HAL: variants seen among roughly 807,000 people sequenced by gnomAD.
The protein encoded by HAL is histidine ammonia-lyase.
In HAL, 85 loss-of-function variants were observed where a neutral mutation model predicts 81.1. That is an observed-to-expected ratio of 1.05 (90% CI 0.88 to 1.25). The LOEUF is 1.25. Among genes scored for constraint, HAL ranks in the 50% most tolerant of loss-of-function variants. The probability of loss-of-function intolerance (pLI) is 0.00; values close to 1 mark genes in which losing one functional copy is unlikely to be tolerated. For missense variants in HAL, 798 were observed against 836.6 expected (o/e 0.95, Z 0.57); for synonymous variants, 301 against 309.2 (o/e 0.97, Z 0.28).
intron 12 of HAL, 80 bp downstream of exon 12, chr12:95,986,987 C>T: frequency 8.2e-7 from 1 of 1,223,244 alleles, no homozygotes; most frequent in Non-Finnish European, 1.2e-6. Context: ...CCCACCACTT[C>T]TGTGTCTAAA....
In HAL at chr12:95,976,660, T is replaced by C. The variant is rs886708605; in HGVS notation, c.1701A>G (p.Leu567=). Residue 567 remains leucine, a synonymous_variant, in exon 19 of 21, where the codon CTA becomes CTG. Transcript: ENST00000261208. Reference sequence around the variant, plus strand: ...GCGGAGTGGTTGTTTTCAGGGGACGTAGAAACTCTATGCCCTGGCAGGCTG... The same window carrying C: ...GCGGAGTGGTTGTTTTCAGGGGACGCAGAAACTCTATGCCCTGGCAGGCTG... ...LLAACQGIEF[L]RPLKTTTPLE... 6.2e-7 allele frequency: 1 copy of C among 1,613,522 alleles called. No homozygotes were observed. Among genetic ancestry groups the C allele is most frequent in the South Asian group, 1.1e-5 (1 of 91,066 alleles).
chr12:95,979,738 T>C (rs1340352163), intron 17 of HAL, among the ~76,000 whole-genome samples: 1 of 152,246 alleles, frequency 6.6e-6, no homozygotes, highest in Admixed American at 6.5e-5. Flanking sequence ...TAGGATTAAG[T>C]ATTGATTAAA....
intron 20 of HAL, among the ~76,000 whole-genome samples, chr12:95,974,608 T>G (rs999856303): frequency 2.6e-5 from 4 of 152,242 alleles, no homozygotes. Flanking sequence ...ATAAAGATTT[T>G]AAGCTGCATA....
intron 15 of HAL, chr12:95,983,676 GA>G: frequency 1.8e-6 from 1 of 568,068 alleles, no homozygotes; most frequent in Non-Finnish European, 3.1e-6. Flanking sequence ...GGTCCATTTT[GA>G]AAGTACAGCA....
chr12:95,993,450 C>A lies in HAL; in HGVS notation c.589+1G>T. The A allele has an allele frequency of 3.8e-6, 6 of 1,597,568 alleles. No homozygotes were observed. Among genetic ancestry groups the A allele is most frequent in the South Asian group, 1.1e-5 (1 of 90,752 alleles). On this transcript the variant is annotated splice_donor_variant, in intron 8 of 20. Transcript: ENST00000261208. LOFTEE classifies it high-confidence loss of function. ...AGGAGGCACCCAACGTTTTGACTTACCTGAAGAATGTGAGCGTACTAAGTT... is the reference window on the plus strand; with the variant it reads ...AGGAGGCACCCAACGTTTTGACTTAACTGAAGAATGTGAGCGTACTAAGTT...
intron 10 of HAL, among the ~76,000 whole-genome samples, 175 bp from the exon 11 acceptor site, chr12:95,988,415 T>C (rs1473904339): frequency 6.6e-6 from 1 of 152,232 alleles, no homozygotes; most frequent in Admixed American, 6.5e-5. Flanking sequence ...GTTCTGTTCT[T>C]TAGTCATGAA....
chr12:95,976,612 C>T lies in HAL; in HGVS notation c.1749G>A (p.Val583=), dbSNP rs1195092632. The change falls in exon 19 of 21, where the codon GTG becomes GTA. Residue 583 remains valine, a synonymous_variant. Coordinates refer to ENST00000261208, the MANE Select transcript of HAL (RefSeq NM_002108.4). ...TTPLEKVYDL[V]RSVVRPWIKD... ...TTTGATCTTACCTTACAACAGAGCG[C>T]ACCAGGTCATAGACCTTCTCCAGCG... 1 of 1,607,084 alleles carries T rather than the reference C, an allele frequency of 6.2e-7. No individual in the cohort carries two copies. The highest frequency in any genetic ancestry group is 2.2e-5 in the East Asian group (1 of 44,850).
chr12:95,993,323 C>T, intron 8 of HAL, 128 bp downstream of exon 8: 1 of 763,390 alleles, frequency 1.3e-6, no homozygotes, highest in Non-Finnish European at 2.4e-6. Flanking sequence ...CTCACCTCGG[C>T]ACCTAGTTCT....
chr12:95,981,862 C>T (rs1198481500), intron 15 of HAL, among the ~76,000 whole-genome samples: 1 of 152,218 alleles, frequency 6.6e-6, no homozygotes, highest in Admixed American at 6.5e-5. Context: ...TAATCTTTGC[C>T]TCTTGGGCTC....
intron 7 of HAL, 136 bp from the exon 8 acceptor site, chr12:95,993,624 G>A (rs1294487951): frequency 8.3e-6 from 7 of 838,346 alleles, no homozygotes; most frequent in Middle Eastern, 2.2e-4. Flanking sequence ...AGCCAGCCTG[G>A]GTTTTCAATA....
chr12:95,984,134 T>TAC, intron 14 of HAL, 143 bp from the exon 15 acceptor site: 2 of 595,356 alleles, frequency 3.4e-6, no homozygotes, highest in Non-Finnish European at 3.0e-6. Context: ...ATGGAAATTA[T>TAC]TTGAACTGAA....
rs775557078 is a variant in HAL at position 95,995,808 on chromosome 12, A to AGC, written c.101_102dup (p.Tyr35AlafsTer41). ...CCATTGTCGGGCTTATTCTTGATAT[A>AGC]GCGCCTCACGGCCTCCCGGCCCAGC... is the stretch of plus-strand genomic sequence containing the variant. On this transcript the variant is annotated frameshift_variant, in exon 2 of 21. Transcript: ENST00000261208. LOFTEE classifies it high-confidence loss of function. The AGC allele has an allele frequency of 6.2e-7, 1 of 1,613,030 alleles. No individual in the cohort carries two copies. Among genetic ancestry groups the AGC allele is most frequent in the Admixed American group, 1.7e-5 (1 of 60,030 alleles).
intron 10 of HAL, 85 bp from the exon 11 acceptor site, chr12:95,988,325 C>A: frequency 1.3e-6 from 1 of 781,122 alleles, no homozygotes; most frequent in South Asian, 1.4e-5. Flanking sequence ...AATAATAGCT[C>A]TTTATGCCCA....
At chr12:95,986,330 G>T (rs1949888221) in intron 12 of HAL, among the ~76,000 whole-genome samples, 170 bp from the exon 13 acceptor site, 1 of 152,086 alleles carries the variant, frequency 6.6e-6, no homozygotes, top group African/African-American at 2.4e-5. Flanking sequence ...ACCATGCCAG[G>T]TCGAGTAATT....
intron 17 of HAL, among the ~76,000 whole-genome samples, chr12:95,979,518 T>C (rs1336108522): frequency 6.6e-6 from 1 of 152,228 alleles, no homozygotes; most frequent in Non-Finnish European, 1.5e-5. Context: ...AGCTAGTAAA[T>C]GGCAGAGCTG....
In HAL at chr12:95,992,563, T is replaced by A. The variant is rs112773333; in HGVS notation, c.715+117A>T. 1.0e-4 allele frequency: 95 copies of A among 944,176 alleles called. 3 individuals are homozygous for A. The African/African-American group carries it at 1.1e-3, about 11-fold the overall frequency. The allele number at this position is 944,176 out of a possible 1,614,324, so 58.5% of individuals were successfully genotyped here. A position where few individuals can be genotyped will look rare whatever the true frequency, so the allele number is the denominator to read the frequency against. On this transcript the variant is annotated intron_variant, in intron 9 of 20. Coordinates refer to ENST00000261208, the MANE Select transcript of HAL (RefSeq NM_002108.4). ...ACTTTTTGCCAACGGCATTTCCCACTCATTTCAATTATTTCATGTCTTCTC... is the reference window on the plus strand; with the variant it reads ...ACTTTTTGCCAACGGCATTTCCCACACATTTCAATTATTTCATGTCTTCTC...
intron 20 of HAL, 147 bp downstream of exon 20, chr12:95,976,282 G>T: frequency 1.3e-6 from 1 of 746,310 alleles, no homozygotes; most frequent in Non-Finnish European, 2.5e-6. Context: ...GCTTCTTAGT[G>T]GTGCTGCAAG....
chr12:95,988,813 C>T (rs541544143), intron 10 of HAL, among the ~76,000 whole-genome samples: 1 of 152,188 alleles, frequency 6.6e-6, no homozygotes, highest in East Asian at 1.9e-4. Flanking sequence ...ATGGGCAGAA[C>T]AATCTTCCCT....
chr12:95,987,454 A>G (rs2072511), intron 11 of HAL, among the ~76,000 whole-genome samples: 1 of 152,040 alleles, frequency 6.6e-6, no homozygotes, highest in African/African-American at 2.4e-5. Flanking sequence ...TTAAGTATCC[A>G]CATTCCCAAA....
Sources: allele counts gnomAD v4.1 joint callset (sites outside exome capture counted in the v4.1 genomes callset), GRCh38; gene constraint gnomAD v4.1.1; transcripts MANE v1.5; gene names NCBI Gene and HGNC (gene_info 2026-07-23, HGNC 2026-07-21).